The following CEP112 variants were observed in gnomAD, a reference collection of about 807,000 sequenced individuals.
CEP112 encodes the protein centrosomal protein of 112 kDa.
CEP112 carries 127 observed loss-of-function variants against 153.0 expected under a neutral mutation model. The ratio of observed to expected loss-of-function variants is 0.83; its 90% CI spans 0.72 to 0.96. CEP112 has a LOEUF of 0.96. CEP112 is among the 40% of genes least tolerant of loss of function. The pLI is 0.00. For missense variants in CEP112, 1,089 were observed against 1,101.2 expected, an observed-to-expected ratio of 0.99 and a Z score of 0.16; for synonymous variants, 358 against 374.4, an observed-to-expected ratio of 0.96 and a Z score of 0.51.
chr17:65,734,696 T>C (rs1160506491), intron 23 of CEP112, among the ~76,000 whole-genome samples: 1 of 152,186 alleles, frequency 6.6e-6, no homozygotes, highest in Non-Finnish European at 1.5e-5. Context: ...TCTTGCAAGA[T>C]GTTATTTTGA....
In CEP112 at chr17:66,067,839, G is replaced by T. The variant is rs1453723290; in HGVS notation, c.856-962C>A. Among the ~76,000 whole-genome samples the T allele has an allele frequency of 5.3e-5, 8 of 152,124 alleles. No homozygotes were observed. The South Asian group carries it at 1.4e-3, about 28-fold the overall frequency. The stretch of plus-strand genomic sequence containing the variant: ...GAAGTCATCAGAAACTTGCCAGGTT[G>T]GGAGAGTATAATTCATCACATTGCA... On this transcript the variant is annotated intron_variant, in intron 9 of 26. Transcript: ENST00000535342.
intron 24 of CEP112, among the ~76,000 whole-genome samples, chr17:65,679,126 A>C (rs2047376969): frequency 1.6e-5 from 1 of 64,112 alleles, no homozygotes; most frequent in South Asian, 6.3e-4. Flanking sequence ...ACTGTGGTTC[A>C]AGCTTTTTTT....
intron 4 of CEP112, among the ~76,000 whole-genome samples, chr17:66,172,555 G>C (rs972418675): frequency 3.3e-5 from 5 of 151,984 alleles, no homozygotes; most frequent in African/African-American, 7.3e-5. Flanking sequence ...TACAATTGTG[G>C]GGATTTTACT....
chr17:65,659,048 A>AAAAAAG (rs2046215042), intron 24 of CEP112, among the ~76,000 whole-genome samples: 1 of 125,244 alleles, frequency 8.0e-6, no homozygotes, highest in Non-Finnish European at 1.7e-5. Context: ...AAAATATCAG[A>AAAAAAG]CCATTTCTAT....
intron 24 of CEP112, among the ~76,000 whole-genome samples, chr17:65,641,758 A>G (rs2045149139): frequency 6.6e-6 from 1 of 152,122 alleles, no homozygotes; most frequent in Non-Finnish European, 1.5e-5. Context: ...AAAACCCCCA[A>G]AAATCCCTAC....
At position 66,010,033 on chromosome 17, in the gene CEP112, T is replaced by A. The variant is rs530112270; in HGVS notation, c.1657-4264A>T. On this transcript the variant is annotated intron_variant, in intron 16 of 26. Transcript: ENST00000535342. Reference sequence around the variant, plus strand: ...GTGGTTTGATAGGAATAGTATTGAATTTGTAAATTTTTTAGGGGAGTATGG... The same window carrying A: ...GTGGTTTGATAGGAATAGTATTGAAATTGTAAATTTTTTAGGGGAGTATGG... Among the ~76,000 whole-genome samples the A allele has an allele frequency of 5.9e-4, 90 of 152,306 alleles. 4 individuals carry two copies. In the South Asian group the frequency reaches 0.017, roughly 29 times the overall value.
At chr17:65,925,925 T>C (rs1194981863) in intron 19 of CEP112, among the ~76,000 whole-genome samples, 1 of 152,208 alleles carries the variant, frequency 6.6e-6, no homozygotes, top group Admixed American at 6.5e-5. Context: ...TAAGCCTTTT[T>C]TGTTCTAAGC....
chr17:65,707,015 T>C (rs2048951258), intron 23 of CEP112, among the ~76,000 whole-genome samples: 1 of 152,224 alleles, frequency 6.6e-6, no homozygotes, highest in Admixed American at 6.5e-5. Context: ...TCCTGTTTAT[T>C]TGCCACTAAC....
chr17:65,658,302 G>T (rs930249917), intron 24 of CEP112, among the ~76,000 whole-genome samples: 4 of 152,232 alleles, frequency 2.6e-5, no homozygotes, highest in African/African-American at 9.6e-5. Context: ...GAGATTCTGG[G>T]ATTCAGGGGG....
chr17:66,085,401 A>G (rs2067882237), intron 8 of CEP112, among the ~76,000 whole-genome samples: 1 of 152,178 alleles, frequency 6.6e-6, no homozygotes, highest in African/African-American at 2.4e-5. Flanking sequence ...CAACTTGTCA[A>G]CGTCAATCTA....
At chr17:65,685,521 G>A (rs1482130580) in intron 24 of CEP112, among the ~76,000 whole-genome samples, 1 of 152,086 alleles carries the variant, frequency 6.6e-6, no homozygotes, top group Non-Finnish European at 1.5e-5. Context: ...TGTTCGATTG[G>A]CTGATGTGAG....
intron 6 of CEP112, among the ~76,000 whole-genome samples, chr17:66,119,781 T>C (rs112168547): frequency 2.0e-5 from 3 of 152,316 alleles, no homozygotes; most frequent in East Asian, 1.9e-4. Context: ...TGGTGGGTCA[T>C]GTGATAAATG....
At chr17:66,018,936 C>A (rs2064883926) in intron 16 of CEP112, among the ~76,000 whole-genome samples, 1 of 152,162 alleles carries the variant, frequency 6.6e-6, no homozygotes. Flanking sequence ...CTGTAGGGGG[C>A]AGGTGTTTCC....
At chr17:65,665,365 C>T (rs1030057504) in intron 24 of CEP112, among the ~76,000 whole-genome samples, 3 of 152,184 alleles carry the variant, frequency 2.0e-5, no homozygotes, top group African/African-American at 7.2e-5. Flanking sequence ...TATCAGGGGC[C>T]TCAAGGCCAA....
chr17:65,843,007 C>T lies in CEP112; in HGVS notation c.2394+8797G>A, dbSNP rs111898393. ...TGTAACAAACCTGCACATGTACCCC[C>T]GAATCTAAAAAGTTGAAATAAAAAA... On this transcript the variant is annotated intron_variant, in intron 21 of 26. Transcript: ENST00000535342. 8.1e-3 allele frequency among the ~76,000 whole-genome samples: 1,228 copies of T among 151,768 alleles called. 14 individuals are homozygous for T. The highest frequency in any genetic ancestry group is 0.022 in the African/African-American group (901 of 41,406).
chr17:65,931,164 T>TGAGGAG (rs149200575), intron 18 of CEP112, among the ~76,000 whole-genome samples: 9,814 of 152,208 alleles, frequency 0.064, 456 homozygotes, highest in African/African-American at 0.12. Flanking sequence ...TTCTTAAGGA[T>TGAGGAG]GAGGAGGAGG....
At chr17:66,045,604 A>T (rs555744992) in intron 12 of CEP112, among the ~76,000 whole-genome samples, 4 of 152,372 alleles carry the variant, frequency 2.6e-5, no homozygotes, top group Admixed American at 1.3e-4. Context: ...GAAATTAAAC[A>T]AAATGAAAAA....
At chr17:65,804,340 A>C (rs1033272075) in intron 21 of CEP112, 1 of 152,160 alleles carries the variant, frequency 6.6e-6, no homozygotes, top group East Asian at 1.9e-4. Flanking sequence ...CAAAAGAACA[A>C]ATTTCAGTCA....
In CEP112 at chr17:66,161,516, G is replaced by A. The variant is rs189941151; in HGVS notation, c.470+13528C>T. The stretch of plus-strand genomic sequence containing the variant: ...ACTATGCAGCCATAAAAAAAAGGAT[G>A]AGTTCATGTCCTTTGCAGGGACACG... On this transcript the variant is annotated intron_variant, in intron 4 of 26. Coordinates refer to ENST00000535342, the MANE Select transcript of CEP112 (RefSeq NM_001199165.4). Among the ~76,000 whole-genome samples, 10 of 152,228 alleles carry A rather than the reference G, an allele frequency of 6.6e-5. No homozygotes were observed. In the East Asian group the frequency reaches 1.7e-3, roughly 26 times the overall value.
Sources: gnomAD v4.1 joint callset for allele counts (sites outside exome capture counted in the v4.1 genomes callset) on GRCh38, gnomAD v4.1.1 for gene constraint, MANE v1.5 for transcripts, NCBI Gene and HGNC (gene_info 2026-07-23, HGNC 2026-07-21) for gene names.